The following PCDH9 variants were observed in gnomAD, a reference collection of about 807,000 sequenced individuals.
The protein encoded by PCDH9 is protocadherin 9, also known as protocadherin-9.
In PCDH9, 24 loss-of-function variants were observed where a neutral mutation model predicts 70.6. The observed-to-expected ratio is 0.34, with a 90% confidence interval of 0.25 to 0.48. The LOEUF (loss-of-function observed/expected upper bound fraction) is 0.48. PCDH9 is among the 20% of genes least tolerant of loss of function. The pLI, the probability that PCDH9 is intolerant of heterozygous loss-of-function variation, is 0.99. For synonymous variants in PCDH9, 562 were observed against 558.5 expected (o/e 1.01, Z -0.09); for missense variants, 1,281 against 1,503.6 (o/e 0.85, Z 2.45).
chr13:66,445,680 A>G (rs150374784), intron 4 of PCDH9, among the ~76,000 whole-genome samples: 2,062 of 144,914 alleles, frequency 0.014, 31 homozygotes, highest in East Asian at 0.055. Flanking sequence ...GTATACACAT[A>G]TATAATATAT....
At position 67,191,449 on chromosome 13, in the gene PCDH9, C is replaced by CCT. The variant is rs201397589; in HGVS notation, c.3036+33954_3036+33955dup. On this transcript the variant is annotated intron_variant, in intron 2 of 4. Coordinates refer to ENST00000377865, the MANE Select transcript of PCDH9 (RefSeq NM_203487.3). ...TATAAATCACTACTTTGTTCACATC[C>CCT]CTCTATCTTGAATTGCTTCCTAATG... is the stretch of plus-strand genomic sequence containing the variant. 3.3e-5 allele frequency among the ~76,000 whole-genome samples: 5 copies of CCT among 152,024 alleles called. No individual in the cohort carries two copies. In the East Asian group the frequency reaches 9.7e-4, roughly 29 times the overall value.
chr13:66,640,117 T>G (rs1322023039), intron 3 of PCDH9, among the ~76,000 whole-genome samples: 1 of 152,316 alleles, frequency 6.6e-6, no homozygotes, highest in East Asian at 1.9e-4. Flanking sequence ...GCAATTTAAT[T>G]AGAAATTACA....
intron 3 of PCDH9, among the ~76,000 whole-genome samples, chr13:66,782,072 AT>A (rs2080007900): frequency 6.6e-6 from 1 of 151,872 alleles, no homozygotes; most frequent in South Asian, 2.1e-4. Flanking sequence ...ACTCTCCCTA[AT>A]TTTTCTATCA....
At position 67,228,339 on chromosome 13, in the gene PCDH9, C is replaced by T. The variant is rs908213102; in HGVS notation, c.102G>A (p.Leu34=). The change falls in exon 2 of 5, where the codon TTG becomes TTA. Residue 34 remains leucine (L), a synonymous_variant. Transcript: ENST00000377865. ...TGTTTCCTATGGGCACATTTTCAGG[C>T]AATTCCTCTCTAATAGTGTAAATAA... ...QELIYTIREE[L]PENVPIGNIP... 6.2e-7 allele frequency: 1 copy of T among 1,614,152 alleles called. No individual in the cohort carries two copies. Among genetic ancestry groups the T allele is most frequent in the Non-Finnish European group, 8.5e-7 (1 of 1,180,006 alleles).
At position 67,228,138 on chromosome 13, in the gene PCDH9, G is replaced by C. The variant is rs374361789; in HGVS notation, c.303C>G (p.Ala101=). ...RIDREKLCAG[A]SYAEENECFF... is the part of the protein sequence containing the mutation. ...AACACTCATTCTCCTCAGCATATGA[G>C]GCGCCAGCACAGAGTTTTTCTCTGT... The change falls in exon 2 of 5, where the codon GCC becomes GCG. Residue 101 remains alanine, a synonymous_variant. Coordinates refer to ENST00000377865, the MANE Select transcript of PCDH9 (RefSeq NM_203487.3). 1 of 1,614,144 alleles carries C rather than the reference G, an allele frequency of 6.2e-7. No individual in the cohort carries two copies. Among genetic ancestry groups the C allele is most frequent in the Non-Finnish European group, 8.5e-7 (1 of 1,180,014 alleles).
chr13:66,691,568 T>C (rs1777783153), intron 3 of PCDH9, among the ~76,000 whole-genome samples: 1 of 151,978 alleles, frequency 6.6e-6, no homozygotes, highest in South Asian at 2.1e-4. Context: ...TTTAATGTGA[T>C]AAGCAATAGA....
At chr13:67,142,759 G>T (rs2087425791) in intron 2 of PCDH9, among the ~76,000 whole-genome samples, 1 of 152,072 alleles carries the variant, frequency 6.6e-6, no homozygotes, top group African/African-American at 2.4e-5. Context: ...CCAGCACTTT[G>T]GGAGGCCGAG....
intron 4 of PCDH9, among the ~76,000 whole-genome samples, chr13:66,574,010 T>C (rs756467256): frequency 6.6e-6 from 1 of 152,174 alleles, no homozygotes; most frequent in African/African-American, 2.4e-5. Context: ...GCCTAGATAC[T>C]CTTATCATTT....
At chr13:66,306,993 G>A (rs187601739) in intron 4 of PCDH9, among the ~76,000 whole-genome samples, 43 of 152,030 alleles carry the variant, frequency 2.8e-4, no homozygotes, top group Admixed American at 6.6e-5. Context: ...GCTTTTTGCC[G>A]GGCCTGTTTT....
intron 3 of PCDH9, among the ~76,000 whole-genome samples, chr13:66,716,964 C>T (rs756232808): frequency 4.6e-5 from 7 of 152,020 alleles, no homozygotes; most frequent in Non-Finnish European, 5.9e-5. Flanking sequence ...CTCAGAAAAC[C>T]CAGATCTGTT....
chr13:66,655,267 A>T (rs2077912746), intron 3 of PCDH9, among the ~76,000 whole-genome samples: 1 of 152,144 alleles, frequency 6.6e-6, no homozygotes, highest in Admixed American at 6.5e-5. Flanking sequence ...TCTTTTTCTG[A>T]TCATGGGTAA....
At chr13:66,620,474 C>T (rs1313343815) in intron 4 of PCDH9, among the ~76,000 whole-genome samples, 1 of 152,148 alleles carries the variant, frequency 6.6e-6, no homozygotes, top group African/African-American at 2.4e-5. Flanking sequence ...ACATTGCATA[C>T]AAACACACAC....
At chr13:67,053,975 C>T (rs904552822) in intron 2 of PCDH9, among the ~76,000 whole-genome samples, 3 of 152,240 alleles carry the variant, frequency 2.0e-5, no homozygotes, top group Non-Finnish European at 2.9e-5. Context: ...TTATGAAATG[C>T]TCTACAATTA....
intron 4 of PCDH9, among the ~76,000 whole-genome samples, chr13:66,450,581 A>C (rs1958185072): frequency 6.6e-6 from 1 of 152,234 alleles, no homozygotes; most frequent in Admixed American, 6.5e-5. Flanking sequence ...TGAACATACA[A>C]GACCATTTGA....
intron 4 of PCDH9, among the ~76,000 whole-genome samples, chr13:66,348,862 ATGT>A (rs1179128045): frequency 6.6e-6 from 1 of 152,012 alleles, no homozygotes; most frequent in Non-Finnish European, 1.5e-5. Flanking sequence ...TCTGAAAACC[ATGT>A]TGTTCTTCCT....
intron 4 of PCDH9, among the ~76,000 whole-genome samples, chr13:66,511,315 T>G (rs1430557872): frequency 6.6e-6 from 1 of 152,204 alleles, no homozygotes; most frequent in Admixed American, 6.5e-5. Context: ...GGATTAGAAT[T>G]CTTGCTCCTC....
At chr13:66,359,366 G>T (rs1487814240) in intron 4 of PCDH9, among the ~76,000 whole-genome samples, 1 of 151,890 alleles carries the variant, frequency 6.6e-6, no homozygotes, top group Non-Finnish European at 1.5e-5. Context: ...CAAAGTATTG[G>T]GAGATTGTAT....
In PCDH9 at chr13:66,649,257, A is replaced by C. The variant is rs182697392; in HGVS notation, c.3139-17846T>G. Among the ~76,000 whole-genome samples, 758 of 152,248 alleles carry C rather than the reference A, an allele frequency of 5.0e-3. 2 individuals are homozygous for C. Among genetic ancestry groups the C allele is most frequent in the Non-Finnish European group, 7.5e-3 (510 of 68,006 alleles). ...AACTCAAATAAGACTACTTCAAGACACTTAATAATCAAATTGTCAAAGGCC... is the reference window on the plus strand; with the variant it reads ...AACTCAAATAAGACTACTTCAAGACCCTTAATAATCAAATTGTCAAAGGCC... On this transcript the variant is annotated intron_variant, in intron 3 of 4. Transcript: ENST00000377865.
At position 67,127,916 on chromosome 13, in the gene PCDH9, A is replaced by T. The variant is rs74496789; in HGVS notation, c.3036+97489T>A. On this transcript the variant is annotated intron_variant, in intron 2 of 4. Coordinates refer to ENST00000377865, the MANE Select transcript of PCDH9 (RefSeq NM_203487.3). ...TTTTGTTAATGAATGGAATGCTTCT[A>T]TTATTTTTCTTTCCAGATGTACTAG... Among the ~76,000 whole-genome samples the T allele has an allele frequency of 3.7e-3, 565 of 152,104 alleles. 10 individuals are homozygous for T. The East Asian group carries it at 0.039, about 11-fold the overall frequency.
Sources: allele counts gnomAD v4.1 joint callset (sites outside exome capture counted in the v4.1 genomes callset), GRCh38; gene constraint gnomAD v4.1.1; transcripts MANE v1.5; gene names NCBI Gene and HGNC (gene_info 2026-07-23, HGNC 2026-07-21).